EXD3: variants seen among roughly 807,000 people sequenced by gnomAD.
The protein encoded by EXD3 is exonuclease 3'-5' domain containing 3.
EXD3 carries 92 observed loss-of-function variants against 98.0 expected under a neutral mutation model. The observed-to-expected ratio is 0.94, with a 90% CI of 0.79 to 1.12. The LOEUF is 1.12. Ranked by LOEUF, EXD3 falls within the 50% of genes most tolerant of loss-of-function variation. The pLI is 0.00. For missense variants in EXD3, 1,222 were observed against 1,191.6 expected (o/e 1.03, Z -0.38); for synonymous variants, 569 against 526.0 (o/e 1.08, Z -1.12).
At chr9:137,373,686 A>G (rs2131685671) in intron 3 of EXD3, 87 bp from the exon 4 acceptor site, 1 of 1,386,064 alleles carries the variant, frequency 7.2e-7, no homozygotes, top group East Asian at 2.5e-5. Flanking sequence ...GGTTTTTTAA[A>G]ATTTAATCCA....
intron 1 of EXD3, among the ~76,000 whole-genome samples, chr9:137,420,972 GC>G (rs1313561349): frequency 2.0e-5 from 3 of 152,102 alleles, no homozygotes; most frequent in African/African-American, 7.2e-5. Flanking sequence ...GCACCACTAT[GC>G]CCAGGTAATT....
At chr9:137,321,856 C>G (rs759733036) in intron 19 of EXD3, among the ~76,000 whole-genome samples, 3 of 152,168 alleles carry the variant, frequency 2.0e-5, no homozygotes, top group Non-Finnish European at 2.9e-5. Context: ...GCTCCCGTGT[C>G]GCCCACGGAG....
At chr9:137,413,746 A>C (rs920113740) in intron 1 of EXD3, among the ~76,000 whole-genome samples, 1 of 151,500 alleles carries the variant, frequency 6.6e-6, no homozygotes, top group Non-Finnish European at 1.5e-5. Context: ...CACGTGATCC[A>C]CTTGCCTCAG....
Position 137,395,118 on chromosome 9 carries a change from C to T in EXD3, c.55+185G>A, listed in dbSNP as rs1837142231. On this transcript the variant is annotated intron_variant, in intron 2 of 21. Transcript: ENST00000340951. This position sits in a 1 kb window ranked among gnomAD's most constrained non-coding sequence, Gnocchi z 6.5. ...GTCCTGACCCCCGAGGACAACAAGGCCACAGTGGGGCCTCCGGACTCACAA... is the reference window on the plus strand; with the variant it reads ...GTCCTGACCCCCGAGGACAACAAGGTCACAGTGGGGCCTCCGGACTCACAA... 6.6e-6 allele frequency among the ~76,000 whole-genome samples: 1 copy of T among 152,104 alleles called. No individual in the cohort carries two copies. The highest frequency in any genetic ancestry group is 2.1e-4 in the South Asian group (1 of 4,832).
rs1837751070 is a variant in EXD3 at position 137,407,076 on chromosome 9, CGGAGCGGG to C, written c.-47-11680_-47-11673del. ...CAAACCCGCCCGTTCACAGAGGCAC[CGGAGCGGG>C]CGGGCGGGGGCGGCCTGCGGAGCAG... On this transcript the variant is annotated intron_variant, in intron 1 of 21. Coordinates refer to ENST00000340951, the MANE Select transcript of EXD3 (RefSeq NM_017820.5). The surrounding 1 kb of genome is among the most constrained non-coding windows in gnomAD (Gnocchi z 4.4). 6.6e-6 allele frequency among the ~76,000 whole-genome samples: 1 copy of C among 152,162 alleles called. No individual in the cohort carries two copies. Among genetic ancestry groups the C allele is most frequent in the Non-Finnish European group, 1.5e-5 (1 of 68,014 alleles).
chr9:137,352,966 A>G, intron 10 of EXD3, 180 bp from the exon 11 acceptor site: 1 of 1,410,072 alleles, frequency 7.1e-7, no homozygotes, highest in Non-Finnish European at 9.2e-7. Context: ...GTTCCACAGG[A>G]CCAAAGCGGC....
Position 137,348,111 on chromosome 9 carries a change from C to T in EXD3, c.1958G>A (p.Arg653His), listed in dbSNP as rs780547676. Residue 653 changes from arginine (R) to histidine (H), a missense_variant, in exon 17 of 22, where the codon CGC becomes CAC. Transcript: ENST00000340951. ...RSLRCLGVDA[R>H]MLGNGEDHRR... ...GTGGTCTTCACCATTGCCCAGCATGCGTGCATCCACACCGAGACAGCGGAG... is the reference window on the plus strand; with the variant it reads ...GTGGTCTTCACCATTGCCCAGCATGTGTGCATCCACACCGAGACAGCGGAG... 2.4e-5 allele frequency: 39 copies of T among 1,612,092 alleles called. No individual in the cohort carries two copies. Among genetic ancestry groups the T allele is most frequent in the Non-Finnish European group, 1.4e-5 (17 of 1,179,712 alleles).
chr9:137,307,458 C>A, intron 21 of EXD3, 150 bp downstream of exon 21: 3 of 1,262,430 alleles, frequency 2.4e-6, no homozygotes, highest in Non-Finnish European at 3.2e-6. Flanking sequence ...CCAGGGACCC[C>A]ACCCCTCACC....
In EXD3 at chr9:137,360,399, A is replaced by C; in HGVS notation, c.657-4031T>G. Among the ~76,000 whole-genome samples the C allele has an allele frequency of 2.5e-5, 2 of 81,142 alleles. 1 individual carries two copies. Among genetic ancestry groups the C allele is most frequent in the Non-Finnish European group, 5.8e-5 (2 of 34,742 alleles). The allele number at this position is 81,142 out of a possible 152,430, so 53.2% of individuals were successfully genotyped here. A position where few individuals can be genotyped will look rare whatever the true frequency, so the allele number is the denominator to read the frequency against. ...TTTCCTTTGACGTCCAGAAGGTATT[A>C]AGTCAAATTTGTCAATCTTCTTCTG... On this transcript the variant is annotated intron_variant, in intron 7 of 21. Transcript: ENST00000340951.
chr9:137,351,282 T>TCTGGA, intron 13 of EXD3, 36 bp downstream of exon 13: 2 of 1,586,238 alleles, frequency 1.3e-6, no homozygotes, highest in Non-Finnish European at 1.7e-6. Context: ...CTGCTTTCTT[T>TCTGGA]CTGGACTGGG....
chr9:137,411,764 G>A (rs1180726778), intron 1 of EXD3, among the ~76,000 whole-genome samples: 1 of 150,930 alleles, frequency 6.6e-6, no homozygotes, highest in Non-Finnish European at 1.5e-5. Context: ...AGGGAGTCGG[G>A]GAGGCGGAGG....
intron 2 of EXD3, among the ~76,000 whole-genome samples, chr9:137,394,199 C>T (rs1256855480): frequency 1.2e-5 from 1 of 80,448 alleles, no homozygotes; most frequent in East Asian, 3.0e-4. Context: ...GCCTCCCAGC[C>T]TCCGCTTCCC....
At chr9:137,348,444 G>C (rs987526013) in intron 16 of EXD3, among the ~76,000 whole-genome samples, 1 of 146,798 alleles carries the variant, frequency 6.8e-6, no homozygotes, top group Non-Finnish European at 1.5e-5. Context: ...GCTCATGCTG[G>C]GGGGGCTCCA....
At chr9:137,321,666 G>T (rs1444822537) in intron 19 of EXD3, among the ~76,000 whole-genome samples, 3 of 152,110 alleles carry the variant, frequency 2.0e-5, no homozygotes, top group Non-Finnish European at 4.4e-5. Flanking sequence ...CTGGGCGATG[G>T]AGTGAGACTC....
intron 7 of EXD3, among the ~76,000 whole-genome samples, chr9:137,362,377 T>C (rs1039735123): frequency 6.6e-6 from 1 of 152,194 alleles, no homozygotes; most frequent in African/African-American, 2.4e-5. Flanking sequence ...ATGGTGCAAA[T>C]GCATCATACT....
In EXD3 at chr9:137,385,806, T is replaced by C. The variant is rs1836563981; in HGVS notation, c.56-2429A>G. On this transcript the variant is annotated intron_variant, in intron 2 of 21. Coordinates refer to ENST00000340951, the MANE Select transcript of EXD3 (RefSeq NM_017820.5). The surrounding 1 kb of genome is among the most constrained non-coding windows in gnomAD (Gnocchi z 4.4). ...ACCTCGGCCTCCCAAAGTGCTGGGA[T>C]GACAGGCGTGAGCCACCGCGCCCAG... 1.3e-5 allele frequency among the ~76,000 whole-genome samples: 2 copies of C among 152,034 alleles called. No individual in the cohort carries two copies. Among genetic ancestry groups the C allele is most frequent in the South Asian group, 4.2e-4 (2 of 4,764 alleles).
intron 7 of EXD3, among the ~76,000 whole-genome samples, chr9:137,357,729 GATATAT>G (rs1431672570): frequency 9.6e-6 from 1 of 104,050 alleles, no homozygotes; most frequent in Admixed American, 1.2e-4. Flanking sequence ...TTATATACAG[GATATAT>G]ATATATGTGT....
In EXD3 at chr9:137,359,698, C is replaced by T. The variant is rs192944423; in HGVS notation, c.657-3330G>A. ...GGAATGATAGAATAGGGACACTTTG[C>T]CACTTTTGGATCTGGCTTCTTCCAT... is the stretch of plus-strand genomic sequence containing the variant. On this transcript the variant is annotated intron_variant, in intron 7 of 21. Transcript: ENST00000340951. Among the ~76,000 whole-genome samples the T allele has an allele frequency of 2.3e-5, 2 of 86,010 alleles. 1 individual carries two copies. The highest frequency in any genetic ancestry group is 1.6e-3 in the East Asian group (2 of 1,286). 56.4% of individuals were successfully genotyped at this position (86,010 alleles called of 152,430 possible).
chr9:137,346,325 G>A (rs1414539908), intron 17 of EXD3, among the ~76,000 whole-genome samples: 3 of 148,788 alleles, frequency 2.0e-5, no homozygotes, highest in Non-Finnish European at 4.4e-5. Flanking sequence ...AACTATATGG[G>A]TAAGATTACC....
Sources: gnomAD v4.1 joint callset for allele counts (sites outside exome capture counted in the v4.1 genomes callset) on GRCh38, gnomAD v4.1.1 for gene constraint, Gnocchi (gnomAD v3.1) non-coding constraint, MANE v1.5 for transcripts, NCBI Gene and HGNC (gene_info 2026-07-23, HGNC 2026-07-21) for gene names.